The following KIF7 variants were observed in gnomAD, a reference collection of about 807,000 sequenced individuals.
KIF7 encodes kinesin-like protein KIF7.
A neutral mutation model predicts 135.7 loss-of-function variants in KIF7; 104 were observed. The ratio of observed to expected loss-of-function variants is 0.77; its 90% CI spans 0.65 to 0.90. The LOEUF is 0.90. KIF7 is among the 40% of genes least tolerant of loss of function. The pLI, the probability that KIF7 is intolerant of heterozygous loss-of-function variation, is 0.00. For missense variants in KIF7, 2,005 were observed against 1,839.1 expected, an observed-to-expected ratio of 1.09 and a Z score of -1.65; for synonymous variants, 883 against 809.4, an observed-to-expected ratio of 1.09 and a Z score of -1.54.
In KIF7 at chr15:89,628,335, C is replaced by G; in HGVS notation, c.*84G>C. The G allele has an allele frequency of 6.6e-7, 1 of 1,507,680 alleles. No homozygotes were observed. Among genetic ancestry groups the G allele is most frequent in the Non-Finnish European group, 8.9e-7 (1 of 1,122,362 alleles). 93.4% of individuals were successfully genotyped at this position (1,507,680 alleles called of 1,614,324 possible). A position where few individuals can be genotyped will look rare whatever the true frequency, so the allele number is the denominator to read the frequency against. On this transcript the variant is annotated 3_prime_UTR_variant, in exon 19 of 19. Coordinates refer to ENST00000394412, the MANE Select transcript of KIF7 (RefSeq NM_198525.3). ...CTGGATTTAGGGTGTGCGGTAAGGA[C>G]TGCCCTTCACAGAAGCAAAACAGGC...
chr15:89,631,037 G>GGT (rs1963662844), intron 15 of KIF7: 1 of 226,512 alleles, frequency 4.4e-6, no homozygotes, highest in Non-Finnish European at 8.8e-6. Context: ...GTAAAAATGC[G>GGT]GTGTTATAAT....
chr15:89,652,503 C>G, intron 2 of KIF7, 100 bp downstream of exon 2: 2 of 949,666 alleles, frequency 2.1e-6, no homozygotes. Flanking sequence ...CCCAGCATCC[C>G]CACCTTCCAC....
chr15:89,628,786 C>T lies in KIF7; in HGVS notation c.3665G>A (p.Gly1222Asp), dbSNP rs2141992009. 6.2e-7 allele frequency: 1 copy of T among 1,611,940 alleles called. No individual in the cohort carries two copies. The highest frequency in any genetic ancestry group is 8.5e-7 in the Non-Finnish European group (1 of 1,180,006). Residue 1222 changes from glycine (G) to aspartate (D), a missense_variant and splice_region_variant, in exon 19 of 19, where the codon GGT becomes GAT. Transcript: ENST00000394412. ...GGVNAVGHSR[G>D]GEKRSLCSEG... ...CGAGCACAGGCTCCTCTTCTCCCCA[C>T]CTGTCATGGAGAGTAACGTGTCCTC...
chr15:89,629,486 A>C lies in KIF7; in HGVS notation c.3406T>G (p.Tyr1136Asp). ...CGCTCCAGGGCCACCTCCAGCCAGTACACCAGCCTCTGCTGCTCCTCCAGC... is the reference window on the plus strand; with the variant it reads ...CGCTCCAGGGCCACCTCCAGCCAGTCCACCAGCCTCTGCTGCTCCTCCAGC... ...MQLEEQQRLV[Y>D]WLEVALERQR... The change falls in exon 17 of 19, where the codon TAC becomes GAC. Residue 1136 changes from tyrosine (Y) to aspartate (D), a missense_variant. By Grantham distance (160) the Tyr-to-Asp change is radical. Coordinates refer to ENST00000394412, the MANE Select transcript of KIF7 (RefSeq NM_198525.3). 1.2e-6 allele frequency: 2 copies of C among 1,611,346 alleles called. No individual in the cohort carries two copies. Among genetic ancestry groups the C allele is most frequent in the South Asian group, 1.1e-5 (1 of 91,082 alleles).
rs778139192 is a variant in KIF7, at chr15:89,629,561, G to A, written c.3331C>T (p.Arg1111Ter). 18 of 1,606,422 alleles carry A rather than the reference G, an allele frequency of 1.1e-5. No individual in the cohort carries two copies. Among genetic ancestry groups the A allele is most frequent in the African/African-American group, 4.0e-5 (3 of 74,904 alleles). ...CKYFDKVVTL[R>*]EEQHQQQIAF... The stretch of plus-strand genomic sequence containing the variant: ...ATCTGCTGCTGGTGCTGCTCCTCTC[G>A]GAGCGTCACCACCTGTCCCAAGACC... Residue 1111 changes from arginine (R) to a stop codon, truncating the protein, a stop_gained, in exon 17 of 19, where the codon CGA becomes TGA. Transcript: ENST00000394412. LOFTEE classifies it high-confidence loss of function.
rs141867330 is a variant in KIF7 at position 89,642,361 on chromosome 15, G to T, written c.2236C>A (p.Arg746=). Residue 746 remains arginine, a synonymous_variant, in exon 11 of 19, where the codon CGG becomes AGG. Coordinates refer to ENST00000394412, the MANE Select transcript of KIF7 (RefSeq NM_198525.3). ...TGCTCTGCCTCCTGCTCCAGCTCCC[G>T]GATACGCTGGCTGTGCTGGCGGTTC... is the stretch of plus-strand genomic sequence containing the variant. ...ALNRQHSQRI[R]ELEQEAEQVR... is the part of the protein sequence containing the mutation. 6.2e-7 allele frequency: 1 copy of T among 1,609,604 alleles called. No homozygotes were observed. The highest frequency in any genetic ancestry group is 8.5e-7 in the Non-Finnish European group (1 of 1,178,674).
At chr15:89,635,573 A>T (rs898231578) in intron 11 of KIF7, among the ~76,000 whole-genome samples, 12 of 152,362 alleles carry the variant, frequency 7.9e-5, no homozygotes, top group Non-Finnish European at 1.2e-4. Context: ...AAGAAAGGGT[A>T]TCAGTGATGG....
rs764831222 is a variant in KIF7, at chr15:89,645,421, C to T, written c.1953G>A (p.Ala651=). 61 of 1,613,744 alleles carry T rather than the reference C, an allele frequency of 3.8e-5. No individual in the cohort carries two copies. Among genetic ancestry groups the T allele is most frequent in the Non-Finnish European group, 4.5e-5 (53 of 1,179,858 alleles). The change falls in exon 9 of 19, where the codon GCG becomes GCA. Residue 651 remains alanine (A), a synonymous_variant. Transcript: ENST00000394412. ...RNRISNCSQR[A]GARPGSLPER... The stretch of plus-strand genomic sequence containing the variant: ...CTGGCAGACTCCCTGGGCGTGCCCC[C>T]GCCCTCTGACTGCAGTTGCTGATCC...
rs142282670 is a variant in KIF7 at position 89,647,035 on chromosome 15, T to G, written c.1583A>C (p.Gln528Pro). 1 of 1,606,218 alleles carries G rather than the reference T, an allele frequency of 6.2e-7. No individual in the cohort carries two copies. Among genetic ancestry groups the G allele is most frequent in the East Asian group, 2.2e-5 (1 of 44,644 alleles). The stretch of plus-strand genomic sequence containing the variant: ...CAGCCGCAGTTCCACCATCTCCTCC[T>G]GCTGCTCACGCAGCCGGTCGCTCTG... ...KLQSDRLREQ[Q>P]EEMVELRLRL... The change falls in exon 7 of 19, where the codon CAG (glutamine) becomes CCG (proline). Residue 528 changes from glutamine (Q) to proline (P), a missense_variant. Transcript: ENST00000394412.
intron 13 of KIF7, 55 bp from the exon 14 acceptor site, chr15:89,633,051 C>T: frequency 1.9e-6 from 3 of 1,597,616 alleles, no homozygotes; most frequent in Non-Finnish European, 1.7e-6. Flanking sequence ...CTGGCTGTGT[C>T]AGCCGCCACT....
Position 89,631,555 on chromosome 15 carries a change from CAGCG to C in KIF7, c.3047_3050del (p.Ser1016CysfsTer12). On this transcript the variant is annotated frameshift_variant, in exon 15 of 19. Transcript: ENST00000394412. LOFTEE classifies it high-confidence loss of function. Reference sequence around the variant, plus strand: ...CGTCGATCTCCAGGCGCTGCTTGAGCAGCGAGTCCTTCTCCTGGCGCAGGCTGTC... The same window carrying C: ...CGTCGATCTCCAGGCGCTGCTTGAGCAGTCCTTCTCCTGGCGCAGGCTGTC... 1 of 1,580,452 alleles carries C rather than the reference CAGCG, an allele frequency of 6.3e-7. No individual in the cohort carries two copies. The highest frequency in any genetic ancestry group is 8.6e-7 in the Non-Finnish European group (1 of 1,162,062).
rs139150855 is a variant in KIF7 at position 89,642,223 on chromosome 15, C to T, written c.2374G>A (p.Ala792Thr). The T allele has an allele frequency of 3.7e-6, 6 of 1,610,314 alleles. No individual in the cohort carries two copies. The African/African-American group carries it at 6.7e-5, about 18-fold the overall frequency. ...CTAACCTGCACCTGGCTCTGGGCCGCAGCGACCCTCCTGCGGAACTCCTGG... is the reference window on the plus strand; with the variant it reads ...CTAACCTGCACCTGGCTCTGGGCCGTAGCGACCCTCCTGCGGAACTCCTGG... ...RLQEFRRRVAAAQSQVQVLKE... is the reference protein window; with the variant it reads ...RLQEFRRRVATAQSQVQVLKE... The change falls in exon 11 of 19, where the codon GCG becomes ACG. Residue 792 changes from alanine (A) to threonine (T), a missense_variant. Ala to Thr is a moderately conservative substitution (Grantham distance 58). Coordinates refer to ENST00000394412, the MANE Select transcript of KIF7 (RefSeq NM_198525.3).
the KIF7 span, among the ~76,000 whole-genome samples, chr15:89,662,461 G>A: frequency 6.6e-6 from 1 of 152,214 alleles, no homozygotes; most frequent in Non-Finnish European, 1.5e-5. Context: ...TCCTGCCACT[G>A]CACTCCAGCC....
chr15:89,618,619 C>A (rs1003138808), intron 1 of KIF7, among the ~76,000 whole-genome samples: 2 of 152,160 alleles, frequency 1.3e-5, no homozygotes, highest in Non-Finnish European at 2.9e-5. Context: ...TCCGTGCCCC[C>A]AACACACAGT....
rs1336842257 is a variant in KIF7, at chr15:89,619,585, A to G, written c.181-1390T>C. 1.4e-5 allele frequency: 14 copies of G among 1,023,760 alleles called. No individual in the cohort carries two copies. The East Asian group carries it at 3.4e-4, about 25-fold the overall frequency. 63.4% of individuals were successfully genotyped at this position (1,023,760 alleles called of 1,614,324 possible). ...ACACTTCAGAAGTCTCTTAAAGCTA[A>G]TAGCTTGCTGAATTTCCATCTTATA... On this transcript the variant is annotated intron_variant and NMD_transcript_variant, in intron 1 of 2. Coordinates refer to the KIF7 transcript ENST00000558928.
chr15:89,649,758 T>A lies in KIF7; in HGVS notation c.512A>T (p.Asp171Val). ...TASRDIQLRE[D>V]ERGNVVLCGV... Reference sequence around the variant, plus strand: ...TTCCTCACCAACATTCCCGCGCTCATCTTCCCGGAGCTGGATGTCACGGCT... The same window carrying A: ...TTCCTCACCAACATTCCCGCGCTCAACTTCCCGGAGCTGGATGTCACGGCT... Residue 171 changes from aspartate (D) to valine (V), a missense_variant, in exon 3 of 19, where the codon GAT (aspartate) becomes GTT (valine). By Grantham distance (152) the Asp-to-Val change is radical. Coordinates refer to ENST00000394412, the MANE Select transcript of KIF7 (RefSeq NM_198525.3). The A allele has an allele frequency of 6.4e-7, 1 of 1,551,886 alleles. No homozygotes were observed. Among genetic ancestry groups the A allele is most frequent in the Non-Finnish European group, 8.7e-7 (1 of 1,147,040 alleles).
downstream of KIF7, chr15:89,623,701 C>G (rs777716342): frequency 3.7e-6 from 6 of 1,614,104 alleles, no homozygotes; most frequent in Non-Finnish European, 5.1e-6. Flanking sequence ...ACCACAAACT[C>G]CGTTGTATAC....
rs1963580376 is a variant in KIF7, at chr15:89,628,420, T to C, written c.4031A>G (p.Ter1344=). ...CAAGGCAGGGTCTGCCCCGAGGGCT[T>C]ACAGGGGGTTTTTCCGGACATCAAT... ...GMIDVRKNPL[*] is the part of the protein sequence containing the mutation. Residue 1344 remains the stop codon, a stop_retained_variant, in exon 19 of 19, where the codon TAA becomes TGA. Coordinates refer to ENST00000394412, the MANE Select transcript of KIF7 (RefSeq NM_198525.3). 4 of 1,604,694 alleles carry C rather than the reference T, an allele frequency of 2.5e-6. No individual in the cohort carries two copies. The highest frequency in any genetic ancestry group is 3.4e-6 in the Non-Finnish European group (4 of 1,175,488).
downstream of KIF7, chr15:89,624,115 C>G: frequency 6.2e-7 from 1 of 1,613,922 alleles, no homozygotes; most frequent in Non-Finnish European, 8.5e-7. Flanking sequence ...ACACCAACAG[C>G]CCCATGTCCT....
Sources: gnomAD v4.1 joint callset for allele counts (sites outside exome capture counted in the v4.1 genomes callset) on GRCh38, gnomAD v4.1.1 for gene constraint, MANE v1.5 for transcripts, NCBI Gene and HGNC (gene_info 2026-07-23, HGNC 2026-07-21) for gene names.